CSNK1G1: variants seen among roughly 807,000 people sequenced by gnomAD.
The protein encoded by CSNK1G1 is casein kinase I isoform gamma-1.
A neutral mutation model predicts 59.6 loss-of-function variants in CSNK1G1; 22 were observed. The observed-to-expected ratio is 0.37, with a 90% CI of 0.26 to 0.53. CSNK1G1 has a LOEUF of 0.53. Among genes scored for constraint, CSNK1G1 ranks in the 20% least tolerant of loss-of-function variants. The pLI is 0.89. For missense variants in CSNK1G1, 384 were observed against 519.5 expected (o/e 0.74, Z 2.54); for synonymous variants, 179 against 177.1 (o/e 1.01, Z -0.08).
chr15:64,185,496 T>C (rs887808430), intron 10 of CSNK1G1, among the ~76,000 whole-genome samples: 1 of 152,070 alleles, frequency 6.6e-6, no homozygotes, highest in African/African-American at 2.4e-5. Flanking sequence ...TAAAACTTAG[T>C]TTATAGGGAG....
At chr15:64,354,652 C>T (rs192154730) in intron 1 of CSNK1G1, among the ~76,000 whole-genome samples, 7 of 152,116 alleles carry the variant, frequency 4.6e-5, no homozygotes, top group African/African-American at 1.7e-4. Flanking sequence ...TCTCAAACCT[C>T]GTTTCACAAA....
chr15:64,205,890 A>G (rs1413125165), intron 7 of CSNK1G1, among the ~76,000 whole-genome samples: 1 of 152,224 alleles, frequency 6.6e-6, no homozygotes, highest in East Asian at 1.9e-4. Flanking sequence ...TTAGGACAAT[A>G]GTCTAGAAAG....
chr15:64,278,210 C>G (rs1047067010), intron 2 of CSNK1G1, among the ~76,000 whole-genome samples: 4 of 150,688 alleles, frequency 2.7e-5, no homozygotes, highest in Admixed American at 1.3e-4. Context: ...CCACTCTTGG[C>G]TAATTTTTGT....
At chr15:64,281,081 G>A (rs1183268013) in intron 2 of CSNK1G1, among the ~76,000 whole-genome samples, 10 of 151,960 alleles carry the variant, frequency 6.6e-5, no homozygotes, top group Non-Finnish European at 4.4e-5. Flanking sequence ...TGGTTTTACC[G>A]TGTTAGCTAG....
intron 2 of CSNK1G1, among the ~76,000 whole-genome samples, chr15:64,285,374 A>C (rs1311562210): frequency 2.0e-5 from 3 of 152,154 alleles, no homozygotes; most frequent in Non-Finnish European, 2.9e-5. Flanking sequence ...TACCAAAAAA[A>C]ATTGCCCAAA....
Position 64,320,964 on chromosome 15 carries a change from T to C in CSNK1G1, c.-224-20241A>G, listed in dbSNP as rs188789893. ...GGAATTCACAAAACACAAAGGAAAA[T>C]ATCCTGTTTAAGATTAAAAAGTATC... On this transcript the variant is annotated intron_variant, in intron 1 of 11. Coordinates refer to ENST00000303052, the MANE Select transcript of CSNK1G1 (RefSeq NM_022048.5). 2.8e-4 allele frequency among the ~76,000 whole-genome samples: 43 copies of C among 151,832 alleles called. No individual in the cohort carries two copies. The East Asian group carries it at 6.2e-3, about 22-fold the overall frequency.
intron 1 of CSNK1G1, among the ~76,000 whole-genome samples, chr15:64,339,789 T>A (rs1001449011): frequency 7.2e-5 from 11 of 152,216 alleles, no homozygotes; most frequent in Non-Finnish European, 1.3e-4. Context: ...AATACGAATA[T>A]TAAATCAAGA....
intron 2 of CSNK1G1, among the ~76,000 whole-genome samples, chr15:64,288,514 T>C (rs1015735249): frequency 6.6e-6 from 1 of 152,024 alleles, no homozygotes; most frequent in African/African-American, 2.4e-5. Flanking sequence ...GAATTAAAGA[T>C]AAATTATAAA....
chr15:64,189,424 G>A, intron 10 of CSNK1G1: 1 of 1,290,160 alleles, frequency 7.8e-7, no homozygotes, highest in Non-Finnish European at 1.0e-6. Flanking sequence ...CTCTTCCCCT[G>A]TGCCAGATGG....
intron 1 of CSNK1G1, among the ~76,000 whole-genome samples, chr15:64,313,888 A>T: frequency 6.6e-6 from 1 of 150,800 alleles, no homozygotes; most frequent in Non-Finnish European, 1.5e-5. Flanking sequence ...AAAAATTAAT[A>T]AATAACTATT....
intron 11 of CSNK1G1, among the ~76,000 whole-genome samples, chr15:64,172,607 A>G (rs1314956175): frequency 7.2e-5 from 11 of 152,138 alleles, no homozygotes; most frequent in Admixed American, 7.2e-4. Flanking sequence ...ACATCAGTAC[A>G]GCTCCCCTTT....
intron 1 of CSNK1G1, among the ~76,000 whole-genome samples, chr15:64,310,861 T>A (rs1596258962): frequency 6.6e-6 from 1 of 151,152 alleles, no homozygotes; most frequent in African/African-American, 2.4e-5. Flanking sequence ...AAAAATTAGC[T>A]GGGTGTGGTG....
At chr15:64,191,309 C>T (rs2081967749) in intron 10 of CSNK1G1, among the ~76,000 whole-genome samples, 1 of 152,164 alleles carries the variant, frequency 6.6e-6, no homozygotes, top group Admixed American at 6.5e-5. Context: ...ATCTGCCCGC[C>T]TCGGCCTCCC....
At chr15:64,253,392 G>T (rs1892194794) in intron 3 of CSNK1G1, among the ~76,000 whole-genome samples, 1 of 152,066 alleles carries the variant, frequency 6.6e-6, no homozygotes, top group Non-Finnish European at 1.5e-5. Flanking sequence ...CACCCATTAG[G>T]ATGGCTATTA....
chr15:64,347,615 A>AGAAG (rs756845486), intron 1 of CSNK1G1, among the ~76,000 whole-genome samples: 2,685 of 150,622 alleles, frequency 0.018, 88 homozygotes, highest in African/African-American at 0.062. Context: ...AAACAAGGAA[A>AGAAG]GAAGGAAGGA....
chr15:64,310,685 G>T (rs1895945251), intron 1 of CSNK1G1, among the ~76,000 whole-genome samples: 1 of 151,842 alleles, frequency 6.6e-6, no homozygotes, highest in South Asian at 2.1e-4. Context: ...CTACTACCTG[G>T]GTGACAGAGA....
chr15:64,218,862 T>G (rs1289743437), intron 4 of CSNK1G1, among the ~76,000 whole-genome samples: 2 of 150,946 alleles, frequency 1.3e-5, no homozygotes, highest in South Asian at 2.1e-4. Context: ...GTTTTTTTTT[T>G]TTTTTTTTTT....
chr15:64,180,358 C>T lies in CSNK1G1; in HGVS notation c.1204G>A (p.Glu402Lys). The part of the protein sequence containing the change: ...ITAHAEVEVV[E>K]EAKCCCFFKR... Reference sequence around the variant, plus strand: ...GAAAGATGTACGTACTTAGCTTCCTCCACTACCTCCACCTCGGCATGAGCT... The same window carrying T: ...GAAAGATGTACGTACTTAGCTTCCTTCACTACCTCCACCTCGGCATGAGCT... Residue 402 changes from glutamate (E) to lysine (K), a missense_variant, in exon 11 of 12, where the codon GAG becomes AAG. Physicochemically the swap from Glu to Lys is moderately conservative, Grantham distance 56. Around this residue, in one of 3 missense-constraint regions of CSNK1G1, gnomAD observed 325 missense variants for 440.9 expected, o/e 0.74. Coordinates refer to ENST00000303052, the MANE Select transcript of CSNK1G1 (RefSeq NM_022048.5). 2 of 1,613,880 alleles carry T rather than the reference C, an allele frequency of 1.2e-6. No homozygotes were observed. The highest frequency in any genetic ancestry group is 1.7e-6 in the Non-Finnish European group (2 of 1,179,764).
intron 10 of CSNK1G1, among the ~76,000 whole-genome samples, chr15:64,201,088 A>ATGGCGAAACC (rs1373817715): frequency 1.3e-5 from 2 of 152,128 alleles, no homozygotes; most frequent in Non-Finnish European, 2.9e-5. Context: ...CCTGGCCAAC[A>ATGGCGAAACC]TGGCGAAACC....
Sources: gnomAD v4.1 joint callset for allele counts (sites outside exome capture counted in the v4.1 genomes callset) on GRCh38, gnomAD v4.1.1 for gene constraint, gnomAD v4.1.1 regional missense constraint, MANE v1.5 for transcripts, NCBI Gene and HGNC (gene_info 2026-07-23, HGNC 2026-07-21) for gene names.